The following RAP1GAP variants were observed in gnomAD, a reference collection of about 807,000 sequenced individuals.
The protein encoded by RAP1GAP is rap1 GTPase-activating protein 1.
A neutral mutation model predicts 87.2 loss-of-function variants in RAP1GAP; 35 were observed. That is an observed-to-expected ratio of 0.40 (90% CI 0.31 to 0.53). The LOEUF is 0.53. RAP1GAP is among the 20% of genes least tolerant of loss of function. The probability of loss-of-function intolerance (pLI) is 0.48; values close to 1 mark genes in which losing one functional copy is unlikely to be tolerated. For synonymous variants in RAP1GAP, 375 were observed against 363.9 expected, an observed-to-expected ratio of 1.03 and a Z score of -0.35; for missense variants, 734 against 898.9, an observed-to-expected ratio of 0.82 and a Z score of 2.35.
intron 1 of RAP1GAP, among the ~76,000 whole-genome samples, chr1:21,666,824 T>C (rs1027339904): frequency 3.3e-5 from 5 of 152,104 alleles, no homozygotes; most frequent in African/African-American, 1.2e-4. Context: ...GCGTGTACCA[T>C]GTGTGCACCC....
chr1:21,663,719 G>GC (rs2097235953), intron 1 of RAP1GAP, among the ~76,000 whole-genome samples: 1 of 152,052 alleles, frequency 6.6e-6, no homozygotes, highest in Non-Finnish European at 1.5e-5. Context: ...GGACCCATCT[G>GC]CCCCACCTCC....
chr1:21,667,074 G>GC (rs1204472376), intron 1 of RAP1GAP, among the ~76,000 whole-genome samples: 5 of 152,306 alleles, frequency 3.3e-5, no homozygotes, highest in Middle Eastern at 3.4e-3. Flanking sequence ...TTTGTGTCTG[G>GC]CCGTGCTCAG....
intron 11 of RAP1GAP, 99 bp downstream of exon 11, chr1:21,611,927 G>T: frequency 6.7e-7 from 1 of 1,483,888 alleles, no homozygotes; most frequent in Non-Finnish European, 9.3e-7. Flanking sequence ...CAGCCCCTGG[G>T]CTCCTGAGTC....
In RAP1GAP at chr1:21,622,158, G is replaced by A. The variant is rs1334704135; in HGVS notation, c.-18-2108C>T. Reference sequence around the variant, plus strand: ...GGGAGGCCACAGCAAGAGCCCCAGGGTCCGGGACCCCAGGGTAGGGGTGCG... The same window carrying A: ...GGGAGGCCACAGCAAGAGCCCCAGGATCCGGGACCCCAGGGTAGGGGTGCG... On this transcript the variant is annotated intron_variant, in intron 3 of 24. Transcript: ENST00000374765. This position sits in a 1 kb window ranked among gnomAD's most constrained non-coding sequence, Gnocchi z 5.7. 6.6e-6 allele frequency among the ~76,000 whole-genome samples: 1 copy of A among 152,200 alleles called. No individual in the cohort carries two copies. The highest frequency in any genetic ancestry group is 2.4e-5 in the African/African-American group (1 of 41,462).
intron 21 of RAP1GAP, 41 bp from the exon 22 acceptor site, chr1:21,598,543 C>T: frequency 3.9e-6 from 6 of 1,519,702 alleles, no homozygotes; most frequent in Non-Finnish European, 3.6e-6. Context: ...TTAGCCTATG[C>T]CCTTGGCACT....
chr1:21,617,884 A>C, intron 6 of RAP1GAP, 50 bp downstream of exon 6: 2 of 1,612,108 alleles, frequency 1.2e-6, no homozygotes, highest in South Asian at 2.2e-5. Flanking sequence ...GCCCTGTGTA[A>C]GTGCCTCCTG....
intron 18 of RAP1GAP, among the ~76,000 whole-genome samples, chr1:21,605,231 A>G (rs1320791916): frequency 6.6e-6 from 1 of 152,218 alleles, no homozygotes; most frequent in African/African-American, 2.4e-5. Flanking sequence ...GACAACAGTC[A>G]GTGATCACAC....
chr1:21,661,329 C>A (rs2097148134), intron 1 of RAP1GAP, among the ~76,000 whole-genome samples: 1 of 152,046 alleles, frequency 6.6e-6, no homozygotes, highest in African/African-American at 2.4e-5. Flanking sequence ...AGACTCCCTG[C>A]CTCATGACCT....
intron 2 of RAP1GAP, among the ~76,000 whole-genome samples, chr1:21,635,624 CTAGCTGGGG>C (rs1309832584): frequency 6.6e-6 from 1 of 152,218 alleles, no homozygotes; most frequent in Non-Finnish European, 1.5e-5. Flanking sequence ...TGCACCAGCC[CTAGCTGGGG>C]CTGGGGTTGC....
chr1:21,606,103 G>A lies in RAP1GAP; in HGVS notation c.1391C>T (p.Ala464Val), dbSNP rs201567525. The A allele has an allele frequency of 2.3e-5, 36 of 1,588,000 alleles. No individual in the cohort carries two copies. Among genetic ancestry groups the A allele is most frequent in the Admixed American group, 1.8e-4 (10 of 55,776 alleles). Reference protein sequence around the residue: ...TVSTSHSGSFAPNNPDLAKAA... With the variant: ...TVSTSHSGSFVPNNPDLAKAA... ...CTTGGCCAGGTCGGGGTTGTTGGGCGCGAAGCTCCCGCTGTGGCTGGTGGA... is the reference window on the plus strand; with the variant it reads ...CTTGGCCAGGTCGGGGTTGTTGGGCACGAAGCTCCCGCTGTGGCTGGTGGA... The change falls in exon 18 of 25, where the codon GCG becomes GTG. Residue 464 changes from alanine (A) to valine (V), a missense_variant. Coordinates refer to ENST00000374765, the MANE Select transcript of RAP1GAP (RefSeq NM_002885.4).
chr1:21,624,294 G>C (rs535856454), intron 3 of RAP1GAP, among the ~76,000 whole-genome samples: 2 of 152,172 alleles, frequency 1.3e-5, no homozygotes, highest in Non-Finnish European at 2.9e-5. Flanking sequence ...ATGTAATGAC[G>C]CTGATAAGAG....
chr1:21,601,902 AC>A, intron 19 of RAP1GAP, 105 bp from the exon 20 acceptor site: 1 of 743,104 alleles, frequency 1.3e-6, no homozygotes, highest in Non-Finnish European at 2.1e-6. Flanking sequence ...CCTGCCTCAT[AC>A]CCACGCCCCT....
At chr1:21,661,004 C>A (rs2097135431) in intron 1 of RAP1GAP, among the ~76,000 whole-genome samples, 2 of 152,140 alleles carry the variant, frequency 1.3e-5, no homozygotes, top group Non-Finnish European at 2.9e-5. Context: ...ATAATCCCAG[C>A]ACTTTGAGAG....
chr1:21,602,686 T>C (rs2069788676), intron 19 of RAP1GAP, 118 bp downstream of exon 19: 1 of 847,364 alleles, frequency 1.2e-6, no homozygotes, highest in Non-Finnish European at 1.8e-6. Flanking sequence ...CAGCTGTCAC[T>C]AGTGGGGATG....
intron 2 of RAP1GAP, among the ~76,000 whole-genome samples, chr1:21,637,777 G>C (rs1445120168): frequency 6.6e-6 from 1 of 152,102 alleles, no homozygotes; most frequent in Non-Finnish European, 1.5e-5. Flanking sequence ...ATATTGTTAA[G>C]TGAATAAAGC....
At chr1:21,597,775 C>A (rs1372391739) in intron 23 of RAP1GAP, 47 bp from the exon 24 acceptor site, 3 of 1,607,682 alleles carry the variant, frequency 1.9e-6, no homozygotes, top group Non-Finnish European at 2.6e-6. Flanking sequence ...ACGGGAGAAG[C>A]AACGGGGCGG....
At position 21,669,331 on chromosome 1, in the gene RAP1GAP, G is replaced by C. The variant is rs770334574; in HGVS notation, c.-226C>G. 6 of 1,086,108 alleles carry C rather than the reference G, an allele frequency of 5.5e-6. No homozygotes were observed. The highest frequency in any genetic ancestry group is 2.1e-5 in the South Asian group (1 of 46,838). The allele number at this position is 1,086,108 out of a possible 1,614,324, so 67.3% of individuals were successfully genotyped here. On this transcript the variant is annotated 5_prime_UTR_variant, in exon 1 of 25. Transcript: ENST00000374765. The surrounding 1 kb of genome is among the most constrained non-coding windows in gnomAD (Gnocchi z 5.6). ...CGCCGCTGCAGCTCTGCTCAGATGC[G>C]GCCGGCGCTCGCCGCCGCCGCAGTT...
chr1:21,658,584 A>G (rs2096959473), intron 1 of RAP1GAP, among the ~76,000 whole-genome samples: 1 of 149,996 alleles, frequency 6.7e-6, no homozygotes, highest in African/African-American at 2.5e-5. Context: ...AAACAAAAAC[A>G]AAAAATCTAA....
At chr1:21,636,898 A>AAGGAGGGAAGGAAGGAAGGGAGGGAGGG (rs1165901008) in intron 2 of RAP1GAP, among the ~76,000 whole-genome samples, 2 of 128,596 alleles carry the variant, frequency 1.6e-5, no homozygotes, top group African/African-American at 2.9e-5. Context: ...AGAAGGAAGG[A>AAGGAGGGAAGGAAGGAAGGGAGGGAGGG]AGGAGGGAAG....
Sources: allele counts gnomAD v4.1 joint callset (sites outside exome capture counted in the v4.1 genomes callset), GRCh38; gene constraint gnomAD v4.1.1; non-coding constraint Gnocchi (gnomAD v3.1); transcripts MANE v1.5; gene names NCBI Gene and HGNC (gene_info 2026-07-23, HGNC 2026-07-21).